Variants in RPL28 observed in about 807,000 individuals in gnomAD.
The protein encoded by RPL28 is ribosomal protein L28, also known as large ribosomal subunit protein eL28.
In RPL28, 4 loss-of-function variants were observed where a neutral mutation model predicts 12.5. That is an observed-to-expected ratio of 0.32 (90% CI 0.16 to 0.73). The LOEUF is 0.73. RPL28 is among the 30% of genes least tolerant of loss of function. The pLI is 0.66. For synonymous variants in RPL28, 91 were observed against 72.5 expected, an observed-to-expected ratio of 1.26 and a Z score of -1.30; for missense variants, 214 against 197.7, an observed-to-expected ratio of 1.08 and a Z score of -0.49.
chr19:55,389,513 CCTGT>C lies in RPL28; in HGVS notation c.*1185_*1188del, dbSNP rs2089969201. 1.0e-6 allele frequency: 1 copy of C among 985,464 alleles called. No individual in the cohort carries two copies. The highest frequency in any genetic ancestry group is 1.2e-6 in the Non-Finnish European group (1 of 829,950). The allele number at this position is 985,464 out of a possible 1,614,324, so 61.0% of individuals were successfully genotyped here. ...CCCGATTCAAAGAAGGACTCTGCTC[CCTGT>C]CTGAGACCACCCCCGGCTCTGACTG... is the stretch of plus-strand genomic sequence containing the variant. On this transcript the variant is annotated 3_prime_UTR_variant, in exon 5 of 5. Coordinates refer to ENST00000344063, the MANE Select transcript of RPL28 (RefSeq NM_000991.5).
At chr19:55,402,222 T>C (rs1400058950) in intron 4 of RPL28, among the ~76,000 whole-genome samples, 1 of 152,130 alleles carries the variant, frequency 6.6e-6, no homozygotes, top group Non-Finnish European at 1.5e-5. Flanking sequence ...GGCCTCAGGA[T>C]TTGAGGAAAT....
chr19:55,386,427 A>G lies in RPL28; in HGVS notation c.70A>G (p.Thr24Ala). ...TTTCCTGATCAAGAGGAATAAGCAG[A>G]CCTACAGCACTGTAAGTGGGGCCCG... Reference protein sequence around the residue: ...SSFLIKRNKQTYSTEPNNLKA... With the variant: ...SSFLIKRNKQAYSTEPNNLKA... Residue 24 changes from threonine (T) to alanine (A), a missense_variant, in exon 2 of 5, where the codon ACC becomes GCC. Transcript: ENST00000344063. 1 of 1,614,024 alleles carries G rather than the reference A, an allele frequency of 6.2e-7. No homozygotes were observed. Among genetic ancestry groups the G allele is most frequent in the Non-Finnish European group, 8.5e-7 (1 of 1,179,954 alleles).
intron 3 of RPL28, 74 bp downstream of exon 3, chr19:55,386,767 G>T (rs2089932903): frequency 1.2e-6 from 2 of 1,612,168 alleles, no homozygotes; most frequent in Non-Finnish European, 1.7e-6. Context: ...TTACTGTCAG[G>T]CAGGAAGAGC....
chr19:55,395,150 T>A (rs28536711), downstream of RPL28, among the ~76,000 whole-genome samples: 4,941 of 150,604 alleles, frequency 0.033, 280 homozygotes, highest in African/African-American at 0.12. Context: ...TTATTTATTT[T>A]TTTGAGACAG....
At chr19:55,397,046 A>T (rs2090029163), downstream of RPL28, among the ~76,000 whole-genome samples, 1 of 151,536 alleles carries the variant, frequency 6.6e-6, no homozygotes, top group Non-Finnish European at 1.5e-5. Context: ...CGTCCAGAAA[A>T]TTTTTGTGTT....
intron 3 of RPL28, chr19:55,387,109 A>G (rs1244491679): frequency 8.8e-6 from 12 of 1,356,804 alleles, no homozygotes; most frequent in African/African-American, 2.9e-5. Flanking sequence ...CAGCCATTTG[A>G]TTCCCATTTT....
At chr19:55,387,358 A>T in intron 3 of RPL28, 2 of 1,551,632 alleles carry the variant, frequency 1.3e-6, no homozygotes, top group African/African-American at 2.7e-5. Context: ...GCAGCAACAA[A>T]CGCAGTCTGT....
rs928064423 is a variant in RPL28 at position 55,389,260 on chromosome 19, T to C, written c.*928T>C. On this transcript the variant is annotated 3_prime_UTR_variant, in exon 5 of 5. Transcript: ENST00000344063. The stretch of plus-strand genomic sequence containing the variant: ...AGCTCCTCAGAGGTTGAGTAGAGGC[T>C]GAGGTGAGCGGAGCACTTGAGCCAA... The C allele has an allele frequency of 1.1e-5, 10 of 920,280 alleles. No individual in the cohort carries two copies. Among genetic ancestry groups the C allele is most frequent in the Non-Finnish European group, 1.3e-5 (10 of 770,696 alleles). The allele number at this position is 920,280 out of a possible 1,614,324, so 57.0% of individuals were successfully genotyped here. A position where few individuals can be genotyped will look rare whatever the true frequency, so the allele number is the denominator to read the frequency against.
In RPL28 at chr19:55,389,456, A is replaced by G; in HGVS notation, c.*1124A>G. On this transcript the variant is annotated 3_prime_UTR_variant, in exon 5 of 5. Coordinates refer to ENST00000344063, the MANE Select transcript of RPL28 (RefSeq NM_000991.5). ...GCCAGGGACCAAGGATCCAGCATCC[A>G]TGGCACCCCTGGTTCCTGCCATCCT... The G allele has an allele frequency of 1.0e-6, 1 of 985,420 alleles. No individual in the cohort carries two copies. Among genetic ancestry groups the G allele is most frequent in the South Asian group, 4.7e-5 (1 of 21,286 alleles). 61.0% of individuals were successfully genotyped at this position (985,420 alleles called of 1,614,324 possible). A position where few individuals can be genotyped will look rare whatever the true frequency, so the allele number is the denominator to read the frequency against.
intron 4 of RPL28, chr19:55,401,545 C>G (rs762051776): frequency 6.2e-7 from 1 of 1,610,310 alleles, no homozygotes; most frequent in Non-Finnish European, 8.5e-7. Flanking sequence ...CCCTCCCGGG[C>G]CCCCTGGGGC....
In RPL28 at chr19:55,386,874, C is replaced by G. The variant is rs760415354; in HGVS notation, c.205+181C>G. 1.9e-6 allele frequency: 3 copies of G among 1,543,496 alleles called. No individual in the cohort carries two copies. The South Asian group carries it at 3.5e-5, about 18-fold the overall frequency. On this transcript the variant is annotated intron_variant, in intron 3 of 4. Coordinates refer to ENST00000344063, the MANE Select transcript of RPL28 (RefSeq NM_000991.5). Reference sequence around the variant, plus strand: ...ACTTGTCAGCTCTGTGAGCCGCGCGCGTCTGAGCCCGTGTCCTCACCTGTA... The same window carrying G: ...ACTTGTCAGCTCTGTGAGCCGCGCGGGTCTGAGCCCGTGTCCTCACCTGTA...
chr19:55,386,052 C>T, intron 1 of RPL28, 87 bp downstream of exon 1: 6 of 378,020 alleles, frequency 1.6e-5, no homozygotes, highest in South Asian at 7.8e-5. Context: ...TCCCCTTGCG[C>T]CTCAAGGGTC....
At chr19:55,387,839 C>CTT (rs2089948087) in intron 3 of RPL28, 91 bp from the exon 4 acceptor site, 1 of 1,487,682 alleles carries the variant, frequency 6.7e-7, no homozygotes, top group South Asian at 1.4e-5. Flanking sequence ...CGCTGCTCAG[C>CTT]TTCTCAATGT....
In RPL28 at chr19:55,389,040, G is replaced by A. The variant is rs2089964003; in HGVS notation, c.*708G>A. The stretch of plus-strand genomic sequence containing the variant: ...CTCTTGTCACTTAGGTCTCATCTCA[G>A]TGGCCGCTCCTGGGCCACCCTGTCA... On this transcript the variant is annotated 3_prime_UTR_variant, in exon 5 of 5. Transcript: ENST00000344063. 1.0e-6 allele frequency: 1 copy of A among 985,418 alleles called. No individual in the cohort carries two copies. Among genetic ancestry groups the A allele is most frequent in the African/African-American group, 1.7e-5 (1 of 57,212 alleles). 61.0% of individuals were successfully genotyped at this position (985,418 alleles called of 1,614,324 possible).
chr19:55,387,360 G>T, intron 3 of RPL28: 1 of 1,551,548 alleles, frequency 6.4e-7, no homozygotes, highest in Non-Finnish European at 8.7e-7. Context: ...AGCAACAAAC[G>T]CAGTCTGTTG....
Position 55,388,482 on chromosome 19 carries a change from G to C in RPL28, c.*150G>C, listed in dbSNP as rs2089958364. On this transcript the variant is annotated 3_prime_UTR_variant, in exon 5 of 5. Transcript: ENST00000344063. ...CTCTGCATGTCACCTTGTCCATCTG[G>C]AGGTGATGTCAATGGCTGGCCATGC... 2 of 1,330,852 alleles carry C rather than the reference G, an allele frequency of 1.5e-6. No homozygotes were observed. The highest frequency in any genetic ancestry group is 1.9e-6 in the Non-Finnish European group (2 of 1,035,864). The allele number at this position is 1,330,852 out of a possible 1,614,324, so 82.4% of individuals were successfully genotyped here. A position where few individuals can be genotyped will look rare whatever the true frequency, so the allele number is the denominator to read the frequency against.
downstream of RPL28, among the ~76,000 whole-genome samples, chr19:55,395,501 T>G (rs541241867): frequency 6.7e-6 from 1 of 149,990 alleles, no homozygotes. Context: ...TGGAGTGCAG[T>G]GGCGCCATCT....
intron 4 of RPL28, among the ~76,000 whole-genome samples, chr19:55,397,891 T>G (rs966685562): frequency 6.6e-6 from 1 of 151,984 alleles, no homozygotes; most frequent in Non-Finnish European, 1.5e-5. Flanking sequence ...CTGTGTCCTA[T>G]AGAGTCAGAA....
chr19:55,402,905 G>T lies in RPL28; in HGVS notation c.325-38G>T. ...CACCCTCTCTGCCATGTGCCCCAGGGACTCATTAGAAATTTGGTTAACTTT... is the reference window on the plus strand; with the variant it reads ...CACCCTCTCTGCCATGTGCCCCAGGTACTCATTAGAAATTTGGTTAACTTT... On this transcript the variant is annotated intron_variant, in intron 4 of 4. Transcript: ENST00000560055. The T allele has an allele frequency of 1.3e-6, 2 of 1,511,790 alleles. 1 individual carries two copies. Among genetic ancestry groups the T allele is most frequent in the Middle Eastern group, 3.5e-4 (2 of 5,748 alleles). 93.6% of individuals were successfully genotyped at this position (1,511,790 alleles called of 1,614,324 possible). A position where few individuals can be genotyped will look rare whatever the true frequency, so the allele number is the denominator to read the frequency against.
Sources: allele counts gnomAD v4.1 joint callset (sites outside exome capture counted in the v4.1 genomes callset), GRCh38; gene constraint gnomAD v4.1.1; transcripts MANE v1.5; gene names NCBI Gene and HGNC (gene_info 2026-07-23, HGNC 2026-07-21).